Variants in TNR observed in about 807,000 individuals in gnomAD.
TNR encodes tenascin-R.
In TNR, 45 loss-of-function variants were observed where a neutral mutation model predicts 150.4. The observed-to-expected ratio is 0.30, with a 90% CI of 0.24 to 0.38. The LOEUF is 0.38. TNR is among the 10% of genes least tolerant of loss of function. The pLI is 1.00. For synonymous variants in TNR, 687 were observed against 678.4 expected (o/e 1.01, Z -0.20); for missense variants, 1,544 against 1,759.1 (o/e 0.88, Z 2.19).
At chr1:175,612,449 C>A (rs1340801547) in intron 1 of TNR, among the ~76,000 whole-genome samples, 2 of 152,090 alleles carry the variant, frequency 1.3e-5, no homozygotes, top group African/African-American at 2.4e-5. Context: ...GGGCAATGAC[C>A]TTCTATTTCA....
intron 1 of TNR, among the ~76,000 whole-genome samples, chr1:175,591,493 C>T (rs1662795989): frequency 6.6e-6 from 1 of 152,226 alleles, no homozygotes; most frequent in South Asian, 2.1e-4. Context: ...TCCCCAACCA[C>T]TGCCGGGAGC....
At chr1:175,680,840 A>C (rs910661875) in intron 1 of TNR, among the ~76,000 whole-genome samples, 12 of 152,208 alleles carry the variant, frequency 7.9e-5, no homozygotes, top group Non-Finnish European at 1.5e-4. Context: ...TGGTATAAAG[A>C]AGTCACTTTA....
At chr1:175,690,935 T>C (rs1401344680) in intron 1 of TNR, among the ~76,000 whole-genome samples, 5 of 152,160 alleles carry the variant, frequency 3.3e-5, no homozygotes, top group Admixed American at 1.3e-4. Context: ...GAATGACAAA[T>C]CAAGGAAACC....
At chr1:175,369,994 C>T (rs2102017494) in intron 9 of TNR, among the ~76,000 whole-genome samples, 1 of 152,296 alleles carries the variant, frequency 6.6e-6, no homozygotes, top group South Asian at 2.1e-4. Flanking sequence ...TTCGAATCAG[C>T]CCTCTTTTTT....
At chr1:175,525,019 G>C (rs927225382) in intron 2 of TNR, among the ~76,000 whole-genome samples, 1 of 152,150 alleles carries the variant, frequency 6.6e-6, no homozygotes, top group Non-Finnish European at 1.5e-5. Context: ...TTGAATTGCA[G>C]TTCCTATAAT....
At chr1:175,657,883 A>ATATATATATATATATATGTGTG (rs1464419575) in intron 1 of TNR, among the ~76,000 whole-genome samples, 7 of 101,146 alleles carry the variant, frequency 6.9e-5, no homozygotes, top group Middle Eastern at 6.0e-3. Context: ...ATATATATAT[A>ATATATATATATATATATGTGTG]TGTAACAAAC....
chr1:175,455,186 C>T (rs1021485301), intron 2 of TNR, among the ~76,000 whole-genome samples: 1 of 152,184 alleles, frequency 6.6e-6, no homozygotes, highest in African/African-American at 2.4e-5. Context: ...TCCCCAAGAG[C>T]CCGAGCCTCC....
intron 2 of TNR, among the ~76,000 whole-genome samples, chr1:175,467,363 C>T (rs1657079914): frequency 1.3e-5 from 2 of 152,164 alleles, no homozygotes; most frequent in African/African-American, 2.4e-5. Context: ...CTTTAAAACC[C>T]TCAAACCAAG....
At chr1:175,407,419 C>T (rs181903477) in intron 2 of TNR, among the ~76,000 whole-genome samples, 1 of 152,242 alleles carries the variant, frequency 6.6e-6, no homozygotes, top group Admixed American at 6.5e-5. Flanking sequence ...TCTGTGACCA[C>T]CAGGTGCTTT....
intron 17 of TNR, 75 bp from the exon 18 acceptor site, chr1:175,354,598 TC>T: frequency 5.0e-6 from 8 of 1,595,434 alleles, no homozygotes; most frequent in Non-Finnish European, 6.8e-6. Context: ...GGAAGGGAAG[TC>T]CAAATCCCAT....
Position 175,503,409 on chromosome 1 carries a change from A to G in TNR, c.-64+24860T>C, listed in dbSNP as rs565404045. On this transcript the variant is annotated intron_variant, in intron 2 of 22. Coordinates refer to ENST00000367674, the MANE Select transcript of TNR (RefSeq NM_003285.3). ...AGTGTTATATTATCATATATTATCT[A>G]TAAATTAGGTAATATATATATGAGA... Among the ~76,000 whole-genome samples the G allele has an allele frequency of 8.5e-5, 13 of 152,340 alleles. No homozygotes were observed. The East Asian group carries it at 1.7e-3, about 20-fold the overall frequency.
intron 1 of TNR, among the ~76,000 whole-genome samples, chr1:175,698,139 G>A (rs1338657174): frequency 1.3e-5 from 2 of 152,186 alleles, no homozygotes; most frequent in African/African-American, 2.4e-5. Context: ...GTGCACCAGT[G>A]TGTGGGCAGG....
At chr1:175,335,663 C>A in intron 20 of TNR, 48 bp downstream of exon 20, 1 of 1,562,660 alleles carries the variant, frequency 6.4e-7, no homozygotes, top group Non-Finnish European at 8.7e-7. Context: ...GAGAGATGGA[C>A]AAAAAGCCAG....
In TNR at chr1:175,320,416, G is replaced by A. The variant is rs1313060877; in HGVS notation, c.*2941C>T. The A allele has an allele frequency of 6.6e-6, 1 of 152,130 alleles. No homozygotes were observed. Among genetic ancestry groups the A allele is most frequent in the East Asian group, 1.9e-4 (1 of 5,202 alleles). 9.4% of individuals were successfully genotyped at this position (152,130 alleles called of 1,614,324 possible). On this transcript the variant is annotated 3_prime_UTR_variant, in exon 23 of 23. Transcript: ENST00000367674. ...CCTTTTATAGAGGGTTGAATAAGCT[G>A]ATCTTTGAAGTCTCTTTCTTGCTTC...
chr1:175,349,234 T>C (rs1269496544), intron 18 of TNR, among the ~76,000 whole-genome samples: 2 of 152,220 alleles, frequency 1.3e-5, no homozygotes, highest in African/African-American at 4.8e-5. Flanking sequence ...ATTCCTCTTC[T>C]GGGCATATAT....
In TNR at chr1:175,330,233, G is replaced by A; in HGVS notation, c.3634C>T (p.Leu1212=). The change falls in exon 21 of 23, where the codon CTG becomes TTG. Residue 1212 remains leucine (L), a splice_region_variant and synonymous_variant. Transcript: ENST00000367674. ...GATGTGATCCTGTGTATATTGTCCAGCCCTGTGGAGAAGAGCAGAAAATGC... is the reference window on the plus strand; with the variant it reads ...GATGTGATCCTGTGTATATTGTCCAACCCTGTGGAGAAGAGCAGAAAATGC... ...GNVEDEFWLG[L]DNIHRITSQG... 1.3e-6 allele frequency: 2 copies of A among 1,551,500 alleles called. No homozygotes were observed. Among genetic ancestry groups the A allele is most frequent in the South Asian group, 2.4e-5 (2 of 84,934 alleles).
At chr1:175,531,444 C>T (rs1366664523) in intron 1 of TNR, among the ~76,000 whole-genome samples, 1 of 152,150 alleles carries the variant, frequency 6.6e-6, no homozygotes, top group East Asian at 1.9e-4. Flanking sequence ...TCAAGGTAGT[C>T]ATATATTCCT....
chr1:175,360,747 C>T (rs1651552928), intron 14 of TNR, among the ~76,000 whole-genome samples: 1 of 152,196 alleles, frequency 6.6e-6, no homozygotes. Context: ...CCATAATCTG[C>T]ATGTTCAAAG....
At chr1:175,700,933 C>A (rs557203814) in intron 1 of TNR, among the ~76,000 whole-genome samples, 5 of 152,326 alleles carry the variant, frequency 3.3e-5, no homozygotes, top group African/African-American at 1.2e-4. Flanking sequence ...AGCCTGATTT[C>A]TCAGGCCTGC....
Sources: gnomAD v4.1 joint callset for allele counts (sites outside exome capture counted in the v4.1 genomes callset) on GRCh38, gnomAD v4.1.1 for gene constraint, MANE v1.5 for transcripts, NCBI Gene and HGNC (gene_info 2026-07-23, HGNC 2026-07-21) for gene names.